GHR: variants seen among roughly 807,000 people sequenced by gnomAD.
GHR encodes the protein GH receptor.
Under a neutral mutation model 67.1 loss-of-function variants are expected in GHR, and 35 were observed. That is an observed-to-expected ratio of 0.52 (90% CI 0.40 to 0.69). GHR has a LOEUF of 0.69. GHR is among the 30% of genes least tolerant of loss of function. GHR has a pLI of 0.00. For synonymous variants in GHR, 272 were observed against 269.1 expected (o/e 1.01, Z -0.10); for missense variants, 792 against 764.6 (o/e 1.04, Z -0.42).
At chr5:42,484,849 C>A (rs954539557) in intron 1 of GHR, among the ~76,000 whole-genome samples, 1 of 152,180 alleles carries the variant, frequency 6.6e-6, no homozygotes, top group Non-Finnish European at 1.5e-5. Context: ...CTCAGAACAG[C>A]AATATTTTTC....
intron 3 of GHR, chr5:42,647,703 G>A (rs896570700): frequency 2.3e-6 from 1 of 443,954 alleles, no homozygotes; most frequent in African/African-American, 2.0e-5. Context: ...CAACTTGAAG[G>A]AAGCATGAAT....
intron 1 of GHR, among the ~76,000 whole-genome samples, chr5:42,555,234 A>G (rs1749244362): frequency 6.6e-6 from 1 of 152,190 alleles, no homozygotes; most frequent in Non-Finnish European, 1.5e-5. Context: ...ACCAGGTGCT[A>G]TTGGAGGTTC....
At chr5:42,632,350 C>T (rs564308192) in intron 3 of GHR, among the ~76,000 whole-genome samples, 6 of 152,302 alleles carry the variant, frequency 3.9e-5, no homozygotes, top group African/African-American at 1.4e-4. Context: ...AGCAATCCCT[C>T]CCTTCTCCAT....
chr5:42,578,433 A>G (rs1750887222), intron 2 of GHR, among the ~76,000 whole-genome samples: 1 of 152,230 alleles, frequency 6.6e-6, no homozygotes, highest in Non-Finnish European at 1.5e-5. Flanking sequence ...AGACCCATAA[A>G]TAAATTAACC....
At chr5:42,659,949 A>C (rs1047774484) in intron 3 of GHR, among the ~76,000 whole-genome samples, 11 of 152,120 alleles carry the variant, frequency 7.2e-5, no homozygotes, top group African/African-American at 2.7e-4. Context: ...GCGCACCAGG[A>C]GATTATATCC....
At chr5:42,640,420 G>C (rs913804799) in intron 3 of GHR, among the ~76,000 whole-genome samples, 3 of 152,142 alleles carry the variant, frequency 2.0e-5, no homozygotes, top group Non-Finnish European at 4.4e-5. Context: ...GGAAGATATG[G>C]AATAAGGTGT....
Position 42,718,837 on chromosome 5 carries a change from C to A in GHR, c.1330C>A (p.Gln444Lys). ...TTATCATGATGCTTGCCCTGCTACTCAGCAGCCCAGTGTTATCCAAGCAGA... is the reference window on the plus strand; with the variant it reads ...TTATCATGATGCTTGCCCTGCTACTAAGCAGCCCAGTGTTATCCAAGCAGA... The part of the protein sequence containing the change: ...SPYHDACPAT[Q>K]QPSVIQAEKN... Residue 444 changes from glutamine (Q) to lysine (K), a missense_variant, in exon 10 of 10, where the codon CAG becomes AAG. Transcript: ENST00000230882. 1 of 1,614,130 alleles carries A rather than the reference C, an allele frequency of 6.2e-7. No homozygotes were observed. Among genetic ancestry groups the A allele is most frequent in the Non-Finnish European group, 8.5e-7 (1 of 1,180,012 alleles).
chr5:42,519,496 A>G (rs751539015), intron 1 of GHR, among the ~76,000 whole-genome samples: 1 of 152,186 alleles, frequency 6.6e-6, no homozygotes, highest in South Asian at 2.1e-4. Context: ...GGGCACACAT[A>G]AAAAGCTCTG....
rs776352428 is a variant in GHR at position 42,695,000 on chromosome 5, C to T, written c.350C>T (p.Ser117Leu). The T allele has an allele frequency of 2.5e-6, 4 of 1,608,510 alleles. No individual in the cohort carries two copies. The highest frequency in any genetic ancestry group is 1.7e-5 in the Admixed American group (1 of 59,966). ...GAAAACAGCTGTTACTTTAATTCAT[C>T]GTTTACCTCCATCTGGATACCTTAT... Reference protein sequence around the residue: ...AGENSCYFNSSFTSIWIPYCI... With the variant: ...AGENSCYFNSLFTSIWIPYCI... Residue 117 changes from serine to leucine, a missense_variant, in exon 5 of 10, where the codon TCG becomes TTG. Physicochemically the swap from Ser to Leu is moderately radical, Grantham distance 145. Coordinates refer to ENST00000230882, the MANE Select transcript of GHR (RefSeq NM_000163.5).
At chr5:42,647,357 G>C (rs946921382) in intron 3 of GHR, among the ~76,000 whole-genome samples, 1 of 151,948 alleles carries the variant, frequency 6.6e-6, no homozygotes, top group African/African-American at 2.4e-5. Flanking sequence ...GGTGGATCAC[G>C]AGATCAGGAA....
At chr5:42,548,359 C>G in intron 1 of GHR, 1 of 985,270 alleles carries the variant, frequency 1.0e-6, no homozygotes, top group Non-Finnish European at 1.2e-6. Context: ...TCTGTGGGAT[C>G]CCACCTCCAA....
At chr5:42,493,407 GT>G (rs995283406) in intron 1 of GHR, among the ~76,000 whole-genome samples, 59 of 151,728 alleles carry the variant, frequency 3.9e-4, no homozygotes, top group African/African-American at 1.4e-3. Flanking sequence ...CTCTGATTTT[GT>G]TTTTTTTACA....
intron 3 of GHR, among the ~76,000 whole-genome samples, chr5:42,674,820 T>C (rs942530641): frequency 6.6e-6 from 1 of 152,162 alleles, no homozygotes; most frequent in Admixed American, 6.5e-5. Flanking sequence ...TTCTTGCACA[T>C]GTTTTTGTGT....
intron 1 of GHR, among the ~76,000 whole-genome samples, chr5:42,466,247 C>G (rs934790196): frequency 1.3e-5 from 2 of 151,910 alleles, no homozygotes; most frequent in African/African-American, 4.8e-5. Flanking sequence ...CAACAGAGGT[C>G]TCCAGAGCTT....
chr5:42,633,702 A>G (rs1754034032), intron 3 of GHR, among the ~76,000 whole-genome samples: 2 of 152,152 alleles, frequency 1.3e-5, no homozygotes, highest in South Asian at 2.1e-4. Context: ...TTATGAATAA[A>G]CTTATCTCCC....
At chr5:42,683,771 T>G (rs750753145) in intron 3 of GHR, among the ~76,000 whole-genome samples, 17 of 152,220 alleles carry the variant, frequency 1.1e-4, no homozygotes, top group Non-Finnish European at 2.4e-4. Context: ...GCACAACATC[T>G]GTATCGGAGT....
At chr5:42,698,624 C>T (rs1356558451) in intron 5 of GHR, among the ~76,000 whole-genome samples, 2 of 152,176 alleles carry the variant, frequency 1.3e-5, no homozygotes, top group Admixed American at 6.5e-5. Flanking sequence ...CCTGTTTTCA[C>T]TGTGGGTGCA....
intron 1 of GHR, among the ~76,000 whole-genome samples, chr5:42,519,779 T>C (rs576034122): frequency 6.6e-6 from 1 of 152,308 alleles, no homozygotes; most frequent in African/African-American, 2.4e-5. Flanking sequence ...CAAAATTCCT[T>C]TACAGCAGGG....
Position 42,629,106 on chromosome 5 carries a change from A to G in GHR, c.136+3A>G. The G allele has an allele frequency of 1.5e-6, 2 of 1,305,616 alleles. 1 individual carries two copies. The highest frequency in any genetic ancestry group is 2.2e-6 in the Non-Finnish European group (2 of 929,312). The allele number at this position is 1,305,616 out of a possible 1,614,324, so 80.9% of individuals were successfully genotyped here. A position where few individuals can be genotyped will look rare whatever the true frequency, so the allele number is the denominator to read the frequency against. ...TGTTAATCCAGGCCTAAAGACAAGT[A>G]AGAATTTCAGTCCTTTTTCTTCCTT... On this transcript the variant is annotated splice_donor_region_variant and intron_variant, in intron 3 of 9. Transcript: ENST00000230882.
Sources: gnomAD v4.1 joint callset for allele counts (sites outside exome capture counted in the v4.1 genomes callset) on GRCh38, gnomAD v4.1.1 for gene constraint, MANE v1.5 for transcripts, NCBI Gene and HGNC (gene_info 2026-07-23, HGNC 2026-07-21) for gene names.